The following TMEM245 variants were observed in gnomAD, a reference collection of about 807,000 sequenced individuals.
TMEM245 encodes the protein transmembrane protein 245.
A neutral mutation model predicts 101.2 loss-of-function variants in TMEM245; 69 were observed. The observed-to-expected ratio is 0.68, with a 90% CI of 0.56 to 0.83. The LOEUF (loss-of-function observed/expected upper bound fraction) is 0.83, where lower values mean the gene tolerates loss of function less well. Among genes scored for constraint, TMEM245 ranks in the 40% least tolerant of loss-of-function variants. The pLI, the probability that TMEM245 is intolerant of heterozygous loss-of-function variation, is 0.00. For synonymous variants in TMEM245, 537 were observed against 449.8 expected (o/e 1.19, Z -2.45); for missense variants, 1,075 against 1,092.8 (o/e 0.98, Z 0.23).
chr9:109,101,353 C>T (rs139723758), intron 3 of TMEM245, among the ~76,000 whole-genome samples: 244 of 152,266 alleles, frequency 1.6e-3, no homozygotes, highest in Non-Finnish European at 2.5e-3. Flanking sequence ...CCGATGCACA[C>T]ACTGTTGTGG....
chr9:109,068,974 A>G (rs1194642774), intron 9 of TMEM245, among the ~76,000 whole-genome samples: 1 of 152,186 alleles, frequency 6.6e-6, no homozygotes, highest in Non-Finnish European at 1.5e-5. Flanking sequence ...GAAGCTACAT[A>G]GAGGATGAAA....
intron 10 of TMEM245, among the ~76,000 whole-genome samples, chr9:109,063,363 C>T (rs982144911): frequency 3.3e-4 from 50 of 152,282 alleles, no homozygotes; most frequent in Middle Eastern, 3.4e-3. Context: ...CATGATCCGC[C>T]GCCTGCCTTG....
rs565998474 is a variant in TMEM245 at position 109,021,132 on chromosome 9, C to T, written c.2595-627G>A. On this transcript the variant is annotated intron_variant, in intron 17 of 17. Coordinates refer to ENST00000374586, the MANE Select transcript of TMEM245 (RefSeq NM_032012.4). ...GAAGGTGGCTGAGCACCGTGCCTGA[C>T]TGCTGCATACATGAAGTGTCTATCT... 2.0e-5 allele frequency among the ~76,000 whole-genome samples: 3 copies of T among 152,330 alleles called. 1 individual carries two copies. The highest frequency in any genetic ancestry group is 1.3e-4 in the Admixed American group (2 of 15,308).
chr9:109,109,923 TAAG>T (rs1319383561), intron 1 of TMEM245, among the ~76,000 whole-genome samples: 2 of 152,210 alleles, frequency 1.3e-5, no homozygotes, highest in African/African-American at 2.4e-5. Flanking sequence ...GAAAATGTAC[TAAG>T]AAGTTAGTGG....
intron 3 of TMEM245, among the ~76,000 whole-genome samples, chr9:109,101,341 A>C (rs1182799370): frequency 6.6e-6 from 1 of 152,166 alleles, no homozygotes; most frequent in East Asian, 1.9e-4. Context: ...ACAAGGAAAG[A>C]GCCGATGCAC....
intron 9 of TMEM245, among the ~76,000 whole-genome samples, chr9:109,072,561 G>T (rs2132484688): frequency 6.6e-6 from 1 of 152,294 alleles, no homozygotes; most frequent in South Asian, 2.1e-4. Flanking sequence ...ACCTGTACCT[G>T]TCTCTTCTCA....
At chr9:109,093,965 T>C (rs1015930463) in intron 3 of TMEM245, among the ~76,000 whole-genome samples, 4 of 152,238 alleles carry the variant, frequency 2.6e-5, no homozygotes, top group African/African-American at 9.6e-5. Context: ...TAGGCTATGT[T>C]GTATGACTAG....
At position 109,050,558 on chromosome 9, in the gene TMEM245, A is replaced by C. The variant is rs1227061612; in HGVS notation, c.1977+12T>G. The stretch of plus-strand genomic sequence containing the variant: ...AAGGAAATATGACGTGTACTTATCT[A>C]TGTGGACGTACCAGAGAGAGTACAA... On this transcript the variant is annotated intron_variant, in intron 13 of 17. Transcript: ENST00000374586. 1 of 1,614,018 alleles carries C rather than the reference A, an allele frequency of 6.2e-7. No homozygotes were observed.
intron 9 of TMEM245, among the ~76,000 whole-genome samples, chr9:109,067,746 G>T (rs1468520788): frequency 6.6e-6 from 1 of 152,140 alleles, no homozygotes; most frequent in South Asian, 2.1e-4. Flanking sequence ...CCACTAAGAT[G>T]ATCCTAATCT....
At chr9:109,032,365 C>CTTTTTTTT (rs755399182) in intron 17 of TMEM245, among the ~76,000 whole-genome samples, 815 of 40,962 alleles carry the variant, frequency 0.02, 292 homozygotes, top group Non-Finnish European at 0.025. Flanking sequence ...ATTTCTTTTC[C>CTTTTTTTT]TTTTTTTTTT....
intron 8 of TMEM245, among the ~76,000 whole-genome samples, chr9:109,078,630 T>C (rs1403882857): frequency 2.6e-5 from 4 of 152,254 alleles, no homozygotes; most frequent in African/African-American, 9.6e-5. Context: ...TGTTCCCCTG[T>C]TTGTGATGTG....
chr9:109,108,157 T>C (rs1830475613), intron 2 of TMEM245, among the ~76,000 whole-genome samples: 1 of 152,164 alleles, frequency 6.6e-6, no homozygotes, highest in Admixed American at 6.5e-5. Context: ...TGCTTATCTA[T>C]ATCTTCCCCT....
rs533191326 is a variant in TMEM245, at chr9:109,085,346, T to C, written c.1344+651A>G. 2.6e-5 allele frequency among the ~76,000 whole-genome samples: 4 copies of C among 152,372 alleles called. No homozygotes were observed. In the East Asian group the frequency reaches 5.8e-4, roughly 22 times the overall value. On this transcript the variant is annotated intron_variant, in intron 7 of 17. Coordinates refer to ENST00000374586, the MANE Select transcript of TMEM245 (RefSeq NM_032012.4). ...CGAGGTACAACATTCCTAATGTATC[T>C]GGATTAGCCTTTATTGAAGTTATTA...
At chr9:109,104,871 T>C (rs1830369018) in intron 3 of TMEM245, among the ~76,000 whole-genome samples, 1 of 152,046 alleles carries the variant, frequency 6.6e-6, no homozygotes. Flanking sequence ...TCAAAACGGA[T>C]CAATGACCTA....
intron 17 of TMEM245, among the ~76,000 whole-genome samples, chr9:109,024,602 T>G (rs1042434680): frequency 6.6e-6 from 1 of 152,222 alleles, no homozygotes; most frequent in Non-Finnish European, 1.5e-5. Context: ...TCTTACCTAG[T>G]TCAGAGTTTC....
intron 10 of TMEM245, among the ~76,000 whole-genome samples, chr9:109,062,416 GA>G (rs1430906725): frequency 6.6e-6 from 1 of 152,178 alleles, no homozygotes; most frequent in South Asian, 2.1e-4. Context: ...AAAGCCTTAT[GA>G]ACTAACTGGA....
In TMEM245 at chr9:109,119,815, G is replaced by A. The variant is rs572552047; in HGVS notation, c.99C>T (p.Gly33=). The A allele has an allele frequency of 1.3e-5, 19 of 1,441,954 alleles. No individual in the cohort carries two copies. The highest frequency in any genetic ancestry group is 1.6e-5 in the Non-Finnish European group (18 of 1,100,206). 89.3% of individuals were successfully genotyped at this position (1,441,954 alleles called of 1,614,324 possible). The change falls in exon 1 of 18, where the codon GGC becomes GGT. Residue 33 remains glycine, a synonymous_variant. Coordinates refer to ENST00000374586, the MANE Select transcript of TMEM245 (RefSeq NM_032012.4). ...VPRAVGPSGG[G]GETPRTAALA... is the part of the protein sequence containing the mutation. Reference sequence around the variant, plus strand: ...GCGCCGCGGTCCGCGGGGTCTCCCCGCCACCGCCACTCGGCCCGACCGCGC... The same window carrying A: ...GCGCCGCGGTCCGCGGGGTCTCCCCACCACCGCCACTCGGCCCGACCGCGC...
rs536409384 is a variant in TMEM245, at chr9:109,083,336, C to T, written c.1345-2393G>A. 2.4e-4 allele frequency among the ~76,000 whole-genome samples: 36 copies of T among 152,272 alleles called. No individual in the cohort carries two copies. In the South Asian group the frequency reaches 6.0e-3, roughly 25 times the overall value. On this transcript the variant is annotated intron_variant, in intron 7 of 17. Transcript: ENST00000374586. ...GGACCAAAGGCCAGACGTGCTATCT[C>T]ACGAGGCTGATCCTGTCCCACGTTC... is the stretch of plus-strand genomic sequence containing the variant.
In TMEM245 at chr9:109,086,003, A is replaced by C. The variant is rs750124839; in HGVS notation, c.1338T>G (p.Asn446Lys). ...KVDSKLWHWL[N>K]KKMIIWLEKM... Reference sequence around the variant, plus strand: ...CATCTGGGTGTTCATTTACCTTCTTATTTAGCCAGTGCCAGAGCTTGAGGA... The same window carrying C: ...CATCTGGGTGTTCATTTACCTTCTTCTTTAGCCAGTGCCAGAGCTTGAGGA... The change falls in exon 7 of 18, where the codon AAT becomes AAG. Residue 446 changes from asparagine to lysine, a missense_variant. Coordinates refer to ENST00000374586, the MANE Select transcript of TMEM245 (RefSeq NM_032012.4). 7 of 1,613,920 alleles carry C rather than the reference A, an allele frequency of 4.3e-6. No homozygotes were observed. Among genetic ancestry groups the C allele is most frequent in the East Asian group, 2.2e-5 (1 of 44,874 alleles).
Sources: gnomAD v4.1 joint callset for allele counts (sites outside exome capture counted in the v4.1 genomes callset) on GRCh38, gnomAD v4.1.1 for gene constraint, MANE v1.5 for transcripts, NCBI Gene and HGNC (gene_info 2026-07-23, HGNC 2026-07-21) for gene names.